The following STPG2 variants were observed in gnomAD, a reference collection of about 807,000 sequenced individuals.
The protein encoded by STPG2 is sperm-tail PG-rich repeat-containing protein 2.
STPG2 carries 56 observed loss-of-function variants against 54.2 expected under a neutral mutation model. The observed-to-expected ratio is 1.03, with a 90% CI of 0.83 to 1.29. The LOEUF is 1.29. Among genes scored for constraint, STPG2 ranks in the 50% most tolerant of loss-of-function variants. STPG2 has a pLI of 0.00. For missense variants in STPG2, 596 were observed against 544.9 expected (o/e 1.09, Z -0.93); for synonymous variants, 200 against 181.8 (o/e 1.10, Z -0.81).
rs377205621 is a variant in STPG2, at chr4:97,613,078, C to G, written c.1321-53961G>C. 2.0e-5 allele frequency among the ~76,000 whole-genome samples: 3 copies of G among 152,022 alleles called. No homozygotes were observed. The East Asian group carries it at 5.8e-4, about 29-fold the overall frequency. On this transcript the variant is annotated intron_variant, in intron 10 of 10. Coordinates refer to ENST00000295268, the MANE Select transcript of STPG2 (RefSeq NM_174952.3). ...TGTTAACATCTTACATACCATTTAC[C>G]AAAACTAAAAAGTTAACATTGGTAC...
chr4:97,971,930 TTACTTCTC>T (rs1560616599), intron 7 of STPG2, among the ~76,000 whole-genome samples: 8 of 152,218 alleles, frequency 5.3e-5, no homozygotes, highest in Non-Finnish European at 1.2e-4. Flanking sequence ...CCCTAAGTCT[TTACTTCTC>T]TATATTAAGC....
intron 3 of STPG2, among the ~76,000 whole-genome samples, chr4:98,109,523 T>A (rs937959829): frequency 4.6e-5 from 7 of 152,154 alleles, no homozygotes; most frequent in Non-Finnish European, 4.4e-5. Flanking sequence ...CCCAGAGAAG[T>A]ACCTCTAACA....
chr4:98,013,210 G>A (rs578221050), intron 5 of STPG2, among the ~76,000 whole-genome samples: 12 of 152,190 alleles, frequency 7.9e-5, no homozygotes, highest in East Asian at 1.9e-4. Flanking sequence ...TGAGATAATC[G>A]TGTGGTTTTT....
At chr4:97,895,074 T>C (rs189432235) in intron 8 of STPG2, among the ~76,000 whole-genome samples, 2 of 151,912 alleles carry the variant, frequency 1.3e-5, no homozygotes, top group East Asian at 1.9e-4. Context: ...ATCACAATAA[T>C]TGTGGGCTCA....
intron 4 of STPG2, among the ~76,000 whole-genome samples, chr4:97,452,311 G>GCTCCAATTT: frequency 6.6e-6 from 1 of 152,134 alleles, no homozygotes; most frequent in Admixed American, 6.5e-5. Context: ...GCAAAGTCAG[G>GCTCCAATTT]TGGAGCCTGG....
At chr4:97,470,256 G>A (rs1310392899) in intron 4 of STPG2, among the ~76,000 whole-genome samples, 1 of 151,992 alleles carries the variant, frequency 6.6e-6, no homozygotes, top group African/African-American at 2.4e-5. Context: ...AATGAGAGTT[G>A]GGTGATTTTA....
chr4:97,705,085 ACT>A (rs894809871), intron 10 of STPG2, among the ~76,000 whole-genome samples: 4 of 152,040 alleles, frequency 2.6e-5, no homozygotes, highest in Admixed American at 1.3e-4. Context: ...ATATTTTGAT[ACT>A]CTTTGTGATC....
chr4:97,463,426 T>G (rs1729715298), intron 4 of STPG2: 1 of 152,128 alleles, frequency 6.6e-6, no homozygotes, highest in African/African-American at 2.4e-5. Context: ...ACCACTTTCT[T>G]GTATTGTGTT....
chr4:97,988,669 C>T (rs1734900457), intron 5 of STPG2, among the ~76,000 whole-genome samples: 1 of 152,158 alleles, frequency 6.6e-6, no homozygotes, highest in South Asian at 2.1e-4. Flanking sequence ...TGCAGTGGCC[C>T]AATCTCATCT....
At chr4:97,543,013 T>C (rs917126272) in intron 4 of STPG2, among the ~76,000 whole-genome samples, 2 of 152,004 alleles carry the variant, frequency 1.3e-5, no homozygotes, top group African/African-American at 2.4e-5. Context: ...TTAGGAGATA[T>C]ACCTAATGTA....
chr4:97,875,775 C>G (rs1730152092), intron 8 of STPG2, among the ~76,000 whole-genome samples: 1 of 151,804 alleles, frequency 6.6e-6, no homozygotes, highest in Non-Finnish European at 1.5e-5. Flanking sequence ...CACAGTTGGG[C>G]TCTAATATAT....
chr4:97,873,757 TTTGAA>T (rs1269363414), intron 8 of STPG2, among the ~76,000 whole-genome samples: 1 of 151,662 alleles, frequency 6.6e-6, no homozygotes, highest in South Asian at 2.1e-4. Flanking sequence ...CCTTACCATG[TTTGAA>T]TTGAAGATAT....
At chr4:98,090,540 CT>C (rs1268778745) in intron 5 of STPG2, among the ~76,000 whole-genome samples, 1 of 151,208 alleles carries the variant, frequency 6.6e-6, no homozygotes, top group African/African-American at 2.4e-5. Flanking sequence ...GCTATGCAGG[CT>C]TTTTTTTTGT....
chr4:97,886,979 C>G (rs1210957554), intron 8 of STPG2, among the ~76,000 whole-genome samples: 5 of 152,184 alleles, frequency 3.3e-5, no homozygotes, highest in African/African-American at 9.7e-5. Flanking sequence ...AGCTGCTCCC[C>G]CTTTGCCTTC....
At chr4:97,632,174 A>G (rs1231696200) in intron 10 of STPG2, among the ~76,000 whole-genome samples, 1 of 152,026 alleles carries the variant, frequency 6.6e-6, no homozygotes, top group Non-Finnish European at 1.5e-5. Flanking sequence ...TATGGCAATA[A>G]ACTCCATTTC....
At chr4:97,646,919 T>A (rs754693741) in intron 10 of STPG2, among the ~76,000 whole-genome samples, 7 of 152,130 alleles carry the variant, frequency 4.6e-5, no homozygotes, top group Admixed American at 6.6e-5. Context: ...AGTTATTAGG[T>A]GCCATCTGGA....
At chr4:98,122,254 G>T (rs1239930723) in intron 3 of STPG2, among the ~76,000 whole-genome samples, 1 of 152,198 alleles carries the variant, frequency 6.6e-6, no homozygotes, top group African/African-American at 2.4e-5. Flanking sequence ...GGAGTGGTGA[G>T]AGAGGGCATC....
At chr4:97,558,852 CA>C, downstream of STPG2, 5 of 526,780 alleles carry the variant, frequency 9.5e-6, no homozygotes, top group Non-Finnish European at 1.7e-5. Context: ...ATAAATAATA[CA>C]ATATGACTTT....
chr4:97,616,094 A>ATATG (rs1328622941), intron 10 of STPG2, among the ~76,000 whole-genome samples: 2 of 93,822 alleles, frequency 2.1e-5, no homozygotes, highest in African/African-American at 6.3e-5. Flanking sequence ...ATATATATAT[A>ATATG]TGTATGTATA....
Sources: allele counts gnomAD v4.1 joint callset (sites outside exome capture counted in the v4.1 genomes callset), GRCh38; gene constraint gnomAD v4.1.1; transcripts MANE v1.5; gene names NCBI Gene and HGNC (gene_info 2026-07-23, HGNC 2026-07-21).